The following CSMD1 variants were observed in gnomAD, a reference collection of about 807,000 sequenced individuals.
The protein encoded by CSMD1 is CUB and Sushi multiple domains 1.
CSMD1 carries 213 observed loss-of-function variants against 417.5 expected under a neutral mutation model. The ratio of observed to expected loss-of-function variants is 0.51; its 90% CI spans 0.46 to 0.57. The LOEUF (loss-of-function observed/expected upper bound fraction) is 0.57. CSMD1 is among the 20% of genes least tolerant of loss of function. The pLI is 0.00. For missense variants in CSMD1, 6,923 were observed against 4,529.7 expected (o/e 1.53, Z -15.17); for synonymous variants, 2,862 against 1,736.8 (o/e 1.65, Z -16.11).
intron 2 of CSMD1, among the ~76,000 whole-genome samples, chr8:4,514,685 A>G (rs114790106): frequency 7.4e-4 from 112 of 152,334 alleles, no homozygotes; most frequent in African/African-American, 2.7e-3. Flanking sequence ...TAAATAGAGT[A>G]CCTGGTACCT....
At chr8:4,221,130 A>T (rs1003266803) in intron 3 of CSMD1, among the ~76,000 whole-genome samples, 2 of 152,178 alleles carry the variant, frequency 1.3e-5, no homozygotes, top group Non-Finnish European at 2.9e-5. Context: ...AGAGAATAGA[A>T]ATGTAAAGAG....
intron 3 of CSMD1, among the ~76,000 whole-genome samples, chr8:4,273,610 A>C (rs934620964): frequency 6.6e-6 from 1 of 152,222 alleles, no homozygotes; most frequent in Non-Finnish European, 1.5e-5. Flanking sequence ...AATTCAAATT[A>C]AATGAGGTTT....
intron 2 of CSMD1, among the ~76,000 whole-genome samples, chr8:4,604,270 T>G (rs1256464681): frequency 6.6e-6 from 1 of 151,828 alleles, no homozygotes; most frequent in Admixed American, 6.6e-5. Flanking sequence ...CAAATAAAGG[T>G]ACAATAGATA....
intron 3 of CSMD1, among the ~76,000 whole-genome samples, chr8:4,359,957 C>T (rs1801657992): frequency 6.6e-6 from 1 of 152,190 alleles, no homozygotes; most frequent in Non-Finnish European, 1.5e-5. Context: ...TGGAGATCTT[C>T]CACATGGTTA....
chr8:4,430,330 T>C (rs938428525), intron 2 of CSMD1, among the ~76,000 whole-genome samples: 3 of 152,156 alleles, frequency 2.0e-5, no homozygotes, highest in African/African-American at 2.4e-5. Context: ...CTTTAACTGA[T>C]AGTTTTCCTT....
chr8:4,929,000 G>T (rs11136797), intron 1 of CSMD1, among the ~76,000 whole-genome samples: 1 of 152,076 alleles, frequency 6.6e-6, no homozygotes, highest in African/African-American at 2.4e-5. Context: ...GAACCCGGGC[G>T]GCAGAGGTTG....
intron 23 of CSMD1, among the ~76,000 whole-genome samples, chr8:3,326,279 G>C (rs528984602): frequency 2.9e-4 from 44 of 152,184 alleles, no homozygotes; most frequent in African/African-American, 1.1e-3. Context: ...CCTCTGATTT[G>C]CTTTTTGACA....
chr8:3,191,744 T>C (rs1796437655), intron 33 of CSMD1, among the ~76,000 whole-genome samples: 1 of 152,174 alleles, frequency 6.6e-6, no homozygotes, highest in Non-Finnish European at 1.5e-5. Flanking sequence ...AATACTTCAA[T>C]TGGCAAAGAG....
intron 3 of CSMD1, among the ~76,000 whole-genome samples, chr8:4,079,895 G>T (rs1028650210): frequency 9.9e-5 from 15 of 152,118 alleles, no homozygotes; most frequent in African/African-American, 2.9e-4. Context: ...GGGGCAGAAG[G>T]GCCATATTCT....
At chr8:2,939,167 C>A (rs1041228111) in intron 69 of CSMD1, among the ~76,000 whole-genome samples, 1 of 152,096 alleles carries the variant, frequency 6.6e-6, no homozygotes, top group Non-Finnish European at 1.5e-5. Flanking sequence ...AAGGCTGAAT[C>A]GGATTGGTTT....
At chr8:3,361,774 C>G (rs539490746) in intron 20 of CSMD1, among the ~76,000 whole-genome samples, 1 of 150,876 alleles carries the variant, frequency 6.6e-6, no homozygotes, top group Non-Finnish European at 1.5e-5. Flanking sequence ...TGGTTCTTTG[C>G]TTTAAGTATA....
intron 2 of CSMD1, among the ~76,000 whole-genome samples, chr8:4,525,302 T>G (rs867425018): frequency 6.6e-6 from 1 of 152,098 alleles, no homozygotes; most frequent in Non-Finnish European, 1.5e-5. Flanking sequence ...TGTAGGTAGC[T>G]ATGTGGCCAA....
intron 10 of CSMD1, among the ~76,000 whole-genome samples, chr8:3,508,662 G>C (rs1280513280): frequency 6.6e-6 from 1 of 152,066 alleles, no homozygotes; most frequent in Non-Finnish European, 1.5e-5. Context: ...CGGTTTTATT[G>C]TACTTCCAGC....
chr8:4,616,624 C>T (rs1344428084), intron 2 of CSMD1, among the ~76,000 whole-genome samples: 2 of 152,208 alleles, frequency 1.3e-5, no homozygotes, highest in African/African-American at 4.8e-5. Context: ...CTAGCAACTA[C>T]TGACAGCTGA....
At chr8:3,051,837 C>T (rs1811838765) in intron 50 of CSMD1, among the ~76,000 whole-genome samples, 1 of 152,108 alleles carries the variant, frequency 6.6e-6, no homozygotes, top group Non-Finnish European at 1.5e-5. Flanking sequence ...AACTATTCTT[C>T]TGGTGGGTTT....
chr8:3,211,975 A>G (rs1466776930), intron 30 of CSMD1, among the ~76,000 whole-genome samples: 1 of 152,202 alleles, frequency 6.6e-6, no homozygotes, highest in Admixed American at 6.5e-5. Flanking sequence ...GGTGCTGGGC[A>G]GAGACTTCCA....
chr8:4,437,935 G>C (rs1049811707), intron 2 of CSMD1, among the ~76,000 whole-genome samples: 1 of 152,168 alleles, frequency 6.6e-6, no homozygotes, highest in Admixed American at 6.5e-5. Context: ...CCTGCTTAAA[G>C]TAATTCTCTA....
At chr8:3,811,576 AG>A (rs1801081884) in intron 5 of CSMD1, among the ~76,000 whole-genome samples, 1 of 152,142 alleles carries the variant, frequency 6.6e-6, no homozygotes, top group Admixed American at 6.6e-5. Flanking sequence ...TCCTCGGTCA[AG>A]GCCATCATGG....
At chr8:4,402,545 C>G (rs1011357959) in intron 3 of CSMD1, among the ~76,000 whole-genome samples, 3 of 152,160 alleles carry the variant, frequency 2.0e-5, no homozygotes, top group African/African-American at 4.8e-5. Flanking sequence ...TTCTCACAGC[C>G]TCTTTATTCT....
Sources: gnomAD v4.1 joint callset for allele counts (sites outside exome capture counted in the v4.1 genomes callset) on GRCh38, gnomAD v4.1.1 for gene constraint, MANE v1.5 for transcripts, NCBI Gene and HGNC (gene_info 2026-07-23, HGNC 2026-07-21) for gene names.